SHISA9: variants seen among roughly 807,000 people sequenced by gnomAD.
SHISA9 encodes protein shisa-9.
Under a neutral mutation model 38.0 loss-of-function variants are expected in SHISA9, and 13 were observed. The ratio of observed to expected loss-of-function variants is 0.34; its 90% CI spans 0.22 to 0.54. The LOEUF (loss-of-function observed/expected upper bound fraction) is 0.54, where lower values mean the gene tolerates loss of function less well. SHISA9 is among the 20% of genes least tolerant of loss of function. The pLI is 0.91. For missense variants in SHISA9, 538 were observed against 575.8 expected (o/e 0.93, Z 0.67); for synonymous variants, 275 against 242.0 (o/e 1.14, Z -1.27).
chr16:13,283,344 G>C, the SHISA9 span, among the ~76,000 whole-genome samples: 1 of 152,090 alleles, frequency 6.6e-6, no homozygotes, highest in Admixed American at 6.6e-5. Context: ...CAAAGCGGTA[G>C]GTCTTACTCT....
At chr16:13,542,506 A>G in the SHISA9 span, among the ~76,000 whole-genome samples, 2 of 152,234 alleles carry the variant, frequency 1.3e-5, no homozygotes, top group African/African-American at 4.8e-5. Context: ...CCTAGAGGGC[A>G]GAGCAGAGAT....
At chr16:13,371,976 T>G in the SHISA9 span, among the ~76,000 whole-genome samples, 1 of 152,238 alleles carries the variant, frequency 6.6e-6, no homozygotes, top group Non-Finnish European at 1.5e-5. Flanking sequence ...TTGCCTGCCT[T>G]TCTTCTTCTT....
At chr16:13,008,016 ACT>A (rs1451029344) in intron 2 of SHISA9, among the ~76,000 whole-genome samples, 1 of 151,774 alleles carries the variant, frequency 6.6e-6, no homozygotes, top group African/African-American at 2.4e-5. Flanking sequence ...AGCCTCTGTG[ACT>A]CTCTTCCTGA....
the SHISA9 span, among the ~76,000 whole-genome samples, chr16:13,532,390 G>A: frequency 6.6e-6 from 1 of 152,160 alleles, no homozygotes; most frequent in African/African-American, 2.4e-5. Flanking sequence ...AATGAATGGA[G>A]CATGGTGTTG....
At chr16:13,319,475 A>G in the SHISA9 span, among the ~76,000 whole-genome samples, 3 of 152,188 alleles carry the variant, frequency 2.0e-5, no homozygotes, top group Admixed American at 6.5e-5. Flanking sequence ...AGAGACGATA[A>G]TGTTTTATCG....
At chr16:13,484,183 G>A in the SHISA9 span, among the ~76,000 whole-genome samples, 1 of 152,172 alleles carries the variant, frequency 6.6e-6, no homozygotes, top group Admixed American at 6.5e-5. Context: ...CATATATTTG[G>A]TCACAGAAGC....
the SHISA9 span, among the ~76,000 whole-genome samples, chr16:13,476,412 C>G: frequency 6.6e-6 from 1 of 152,154 alleles, no homozygotes; most frequent in Non-Finnish European, 1.5e-5. Flanking sequence ...CTGCAGCACC[C>G]AATTAAAGTC....
At chr16:12,907,282 C>T (rs1335162076) in intron 1 of SHISA9, among the ~76,000 whole-genome samples, 1 of 146,644 alleles carries the variant, frequency 6.8e-6, no homozygotes, top group African/African-American at 2.5e-5. Flanking sequence ...TCTTCCCTTC[C>T]TCCCTTCTTT....
At chr16:12,948,482 A>T (rs902286458) in intron 2 of SHISA9, among the ~76,000 whole-genome samples, 8 of 152,254 alleles carry the variant, frequency 5.3e-5, no homozygotes, top group African/African-American at 1.9e-4. Context: ...TGCTATAACA[A>T]AATACCATGA....
chr16:13,014,513 A>C (rs928004407), intron 2 of SHISA9, among the ~76,000 whole-genome samples: 8 of 152,182 alleles, frequency 5.3e-5, no homozygotes, highest in Non-Finnish European at 7.3e-5. Flanking sequence ...TTATTTCCTT[A>C]TCTTGGAGAT....
the SHISA9 span, among the ~76,000 whole-genome samples, chr16:13,298,494 G>T: frequency 6.6e-6 from 1 of 152,138 alleles, no homozygotes; most frequent in Non-Finnish European, 1.5e-5. Context: ...ATAATCTTAA[G>T]AAGTAGGCAA....
At chr16:13,085,138 A>G (rs974978615) in intron 2 of SHISA9, among the ~76,000 whole-genome samples, 12 of 152,214 alleles carry the variant, frequency 7.9e-5, no homozygotes, top group Non-Finnish European at 1.6e-4. Context: ...ATCCTTACCA[A>G]TATGGTGGAC....
chr16:13,329,314 G>A, the SHISA9 span, among the ~76,000 whole-genome samples: 6 of 151,936 alleles, frequency 3.9e-5, no homozygotes, highest in South Asian at 4.2e-4. Flanking sequence ...TTAAACCTCC[G>A]CTCCTAAATT....
chr16:13,446,298 G>T, the SHISA9 span, among the ~76,000 whole-genome samples: 108 of 152,174 alleles, frequency 7.1e-4, no homozygotes, highest in East Asian at 0.02. Flanking sequence ...TATTAACTAG[G>T]AGCAGGTTTA....
At chr16:12,974,332 G>A (rs2072125891) in intron 2 of SHISA9, among the ~76,000 whole-genome samples, 1 of 151,970 alleles carries the variant, frequency 6.6e-6, no homozygotes, top group Non-Finnish European at 1.5e-5. Context: ...AAGGAAAATT[G>A]ACATGTTCTT....
the SHISA9 span, among the ~76,000 whole-genome samples, chr16:13,252,819 T>A: frequency 6.6e-6 from 1 of 152,212 alleles, no homozygotes; most frequent in Non-Finnish European, 1.5e-5. Flanking sequence ...AACATAGGCA[T>A]TCAATAAATA....
At chr16:12,902,688 A>G (rs2071035502) in intron 1 of SHISA9, 61 bp downstream of exon 1, 4 of 1,428,680 alleles carry the variant, frequency 2.8e-6, no homozygotes, top group Admixed American at 4.8e-5. Context: ...TCTCCTCCCC[A>G]CCTTCCCCCA....
At chr16:13,477,313 T>C in the SHISA9 span, among the ~76,000 whole-genome samples, 1 of 152,128 alleles carries the variant, frequency 6.6e-6, no homozygotes, top group South Asian at 2.1e-4. Context: ...TTACACAGAC[T>C]GGGCAAAAGT....
At chr16:13,327,719 C>T in the SHISA9 span, among the ~76,000 whole-genome samples, 1 of 152,030 alleles carries the variant, frequency 6.6e-6, no homozygotes, top group Non-Finnish European at 1.5e-5. Flanking sequence ...TGCAGTGGCA[C>T]GATCTCTACT....
Sources: allele counts gnomAD v4.1 joint callset (sites outside exome capture counted in the v4.1 genomes callset), GRCh38; gene constraint gnomAD v4.1.1; transcripts MANE v1.5; gene names NCBI Gene and HGNC (gene_info 2026-07-23, HGNC 2026-07-21).